The following ITGA2B variants were observed in gnomAD, a reference collection of about 807,000 sequenced individuals.
The protein encoded by ITGA2B is integrin alpha-IIb.
In ITGA2B, 91 loss-of-function variants were observed where a neutral mutation model predicts 142.0. The observed-to-expected ratio is 0.64, with a 90% CI of 0.54 to 0.76. The LOEUF (loss-of-function observed/expected upper bound fraction) is 0.76, where lower values mean the gene tolerates loss of function less well. ITGA2B is among the 30% of genes least tolerant of loss of function. The pLI, the probability that ITGA2B is intolerant of heterozygous loss-of-function variation, is 0.00. For synonymous variants in ITGA2B, 536 were observed against 567.2 expected (o/e 0.94, Z 0.78); for missense variants, 1,231 against 1,350.8 (o/e 0.91, Z 1.39).
In ITGA2B at chr17:44,380,498, G is replaced by C; in HGVS notation, c.1440-8C>G. On this transcript the variant is annotated splice_polypyrimidine_tract_variant and splice_region_variant and intron_variant, in intron 14 of 29. Transcript: ENST00000262407. ...TTCACCACTGGCTGAGCTCTGATGGGATAGGGTGATGGGGTAGGCTTGCCA... is the reference window on the plus strand; with the variant it reads ...TTCACCACTGGCTGAGCTCTGATGGCATAGGGTGATGGGGTAGGCTTGCCA... The C allele has an allele frequency of 1.9e-6, 3 of 1,613,962 alleles. No homozygotes were observed. The highest frequency in any genetic ancestry group is 2.5e-6 in the Non-Finnish European group (3 of 1,179,840).
intron 3 of ITGA2B, 52 bp downstream of exon 3, chr17:44,385,772 C>A: frequency 6.2e-7 from 1 of 1,612,472 alleles, no homozygotes; most frequent in Non-Finnish European, 8.5e-7. Context: ...CCTCCTGGCC[C>A]CAGGTGTCCC....
chr17:44,379,876 A>T, intron 17 of ITGA2B, 62 bp from the exon 18 acceptor site: 4 of 1,612,962 alleles, frequency 2.5e-6, no homozygotes, highest in Non-Finnish European at 3.4e-6. Context: ...TCTCCTGGCC[A>T]GTAGGCACCG....
At chr17:44,388,880 G>C (rs904815895) in intron 1 of ITGA2B, among the ~76,000 whole-genome samples, 9 of 143,780 alleles carry the variant, frequency 6.3e-5, no homozygotes, top group African/African-American at 2.3e-4. Flanking sequence ...GGTCAGGCTG[G>C]TCTCGAATTC....
chr17:44,381,378 G>A (rs2048596226), intron 12 of ITGA2B, among the ~76,000 whole-genome samples: 1 of 150,872 alleles, frequency 6.6e-6, no homozygotes, highest in African/African-American at 2.4e-5. Flanking sequence ...TGTCCTGGCT[G>A]GAGTGCAGTG....
chr17:44,375,530 C>CCAT, intron 26 of ITGA2B, 61 bp downstream of exon 26: 1 of 1,594,224 alleles, frequency 6.3e-7, no homozygotes, highest in Non-Finnish European at 8.6e-7. Context: ...CTCCCTCCTC[C>CCAT]CATCCCCTCT....
Position 44,389,469 on chromosome 17 carries a change from G to T in ITGA2B, c.5C>A (p.Ala2Asp), listed in dbSNP as rs1433509006. The T allele has an allele frequency of 1.2e-6, 2 of 1,613,358 alleles. No homozygotes were observed. Among genetic ancestry groups the T allele is most frequent in the Admixed American group, 1.7e-5 (1 of 60,024 alleles). The part of the protein sequence containing the change: M[A>D]RALCPLQALW... ...GGCTTGCAGTGGACACAAAGCTCTG[G>T]CCATCTTCCTTCTTCCACAACCTCC... The change falls in exon 1 of 30, where the codon GCC (alanine) becomes GAC (aspartate). Residue 2 changes from alanine to aspartate, a missense_variant. Coordinates refer to ENST00000262407, the MANE Select transcript of ITGA2B (RefSeq NM_000419.5).
At chr17:44,378,289 G>A in intron 20 of ITGA2B, 73 bp downstream of exon 20, 1 of 1,530,992 alleles carries the variant, frequency 6.5e-7, no homozygotes, top group Non-Finnish European at 8.8e-7. Flanking sequence ...GGACTCTCAG[G>A]GAGGGAGATG....
At chr17:44,387,298 T>C (rs574908094) in intron 1 of ITGA2B, among the ~76,000 whole-genome samples, 15 of 150,690 alleles carry the variant, frequency 1.0e-4, no homozygotes, top group Admixed American at 5.3e-4. Flanking sequence ...CGAGGCAGGC[T>C]GATCACCTGA....
At position 44,384,133 on chromosome 17, in the gene ITGA2B, T is replaced by A; in HGVS notation, c.897A>T (p.Glu299Asp). Residue 299 changes from glutamate (E) to aspartate (D), a missense_variant, in exon 10 of 30, where the codon GAA (glutamate) becomes GAT (aspartate). By Grantham distance (45) the Glu-to-Asp change is conservative. Transcript: ENST00000262407. ...GCCTCTGGTAGTAGGAATCCAAAAT[T>A]TCCACCTGCACGGACAGCGCAGGCG... Reference protein sequence around the residue: ...PTWSWTLGAVEILDSYYQRLH... With the variant: ...PTWSWTLGAVDILDSYYQRLH... The A allele has an allele frequency of 6.2e-7, 1 of 1,613,500 alleles. No homozygotes were observed. The highest frequency in any genetic ancestry group is 2.2e-5 in the East Asian group (1 of 44,868).
Position 44,384,584 on chromosome 17 carries a change from C to T in ITGA2B, c.801G>A (p.Gly267=), listed in dbSNP as rs1308835189. The T allele has an allele frequency of 1.9e-6, 3 of 1,614,028 alleles. No homozygotes were observed. The highest frequency in any genetic ancestry group is 2.2e-5 in the East Asian group (1 of 44,880). ...CGAACTCGCCCACGGCCACCGAGTACCCTGAGGACAAGGGCGCAAATTAGT... is the reference window on the plus strand; with the variant it reads ...CGAACTCGCCCACGGCCACCGAGTATCCTGAGGACAAGGGCGCAAATTAGT... ...SNPEYFDGYW[G]YSVAVGEFDG... Residue 267 remains glycine (G), a splice_region_variant and synonymous_variant, in exon 8 of 30, where the codon GGG becomes GGA. Transcript: ENST00000262407.
chr17:44,384,435 A>G, intron 8 of ITGA2B, 81 bp from the exon 9 acceptor site: 1 of 1,603,370 alleles, frequency 6.2e-7, no homozygotes, highest in East Asian at 2.2e-5. Flanking sequence ...GCACCCAGGG[A>G]AAAATGTGTG....
chr17:44,373,913 CT>C (rs35905006), intron 29 of ITGA2B: 75,337 of 190,378 alleles, frequency 0.4, 14,972 homozygotes, highest in African/African-American at 0.47. Context: ...CTATTTTTTT[CT>C]TTTTTTTTTG....
chr17:44,374,559 C>T, intron 28 of ITGA2B, 89 bp from the exon 29 acceptor site: 2 of 1,506,798 alleles, frequency 1.3e-6, no homozygotes, highest in South Asian at 1.1e-5. Context: ...TCCAGCCATG[C>T]CACCCACCCG....
At chr17:44,376,587 G>A (rs960319061) in intron 22 of ITGA2B, among the ~76,000 whole-genome samples, 199 bp from the exon 23 acceptor site, 2 of 152,022 alleles carry the variant, frequency 1.3e-5, no homozygotes, top group African/African-American at 4.8e-5. Context: ...AGGGAACCAG[G>A]CTTCTTCAAA....
intron 18 of ITGA2B, among the ~76,000 whole-genome samples, chr17:44,379,201 G>A (rs1287506197): frequency 2.7e-5 from 4 of 147,700 alleles, no homozygotes; most frequent in Admixed American, 2.0e-4. Flanking sequence ...TGATCCACCC[G>A]CCTTGGCCTC....
At position 44,378,407 on chromosome 17, in the gene ITGA2B, G is replaced by T. The variant is rs749566185; in HGVS notation, c.2049C>A (p.His683Gln). 5.6e-6 allele frequency: 9 copies of T among 1,613,544 alleles called. No individual in the cohort carries two copies. The highest frequency in any genetic ancestry group is 5.1e-6 in the Non-Finnish European group (6 of 1,179,966). ...GCATGTAGTGGGCGCCCTGGGGCAG[G>T]TGCACGGCCAGCTCTGCTTCATAGG... ...EGAYEAELAV[H>Q]LPQGAHYMRA... The change falls in exon 20 of 30, where the codon CAC becomes CAA. Residue 683 changes from histidine to glutamine, a missense_variant. Physicochemically the swap from His to Gln is conservative, Grantham distance 24 (BLOSUM62 0). Coordinates refer to ENST00000262407, the MANE Select transcript of ITGA2B (RefSeq NM_000419.5).
At chr17:44,382,732 T>TGCA (rs2048607772) in intron 12 of ITGA2B, among the ~76,000 whole-genome samples, 1 of 151,730 alleles carries the variant, frequency 6.6e-6, no homozygotes, top group African/African-American at 2.4e-5. Context: ...AATTGTATCT[T>TGCA]GCAGCAGCAG....
At chr17:44,387,826 CAAAAAA>C (rs980395817) in intron 1 of ITGA2B, among the ~76,000 whole-genome samples, 6 of 24,578 alleles carry the variant, frequency 2.4e-4, no homozygotes, top group East Asian at 3.5e-3. Context: ...AACCCCATCT[CAAAAAA>C]AAAAAAAAAA....
In ITGA2B at chr17:44,374,990, C is replaced by T. The variant is rs2048527319; in HGVS notation, c.2841+8G>A. 7.2e-6 allele frequency: 11 copies of T among 1,537,060 alleles called. No individual in the cohort carries two copies. In the East Asian group the frequency reaches 7.3e-5, roughly 10 times the overall value. On this transcript the variant is annotated splice_region_variant and intron_variant, in intron 27 of 29. Transcript: ENST00000262407. ...GGCCCGGCCCCGCCCCACCACGGCC[C>T]ACCCCACCTGGTAGAGGCTGGGCAG...
Sources: gnomAD v4.1 joint callset for allele counts (sites outside exome capture counted in the v4.1 genomes callset) on GRCh38, gnomAD v4.1.1 for gene constraint, MANE v1.5 for transcripts, NCBI Gene and HGNC (gene_info 2026-07-23, HGNC 2026-07-21) for gene names.